Variants in MGAT4C observed in about 807,000 individuals in gnomAD.
MGAT4C encodes the protein alpha-1,3-mannosyl-glycoprotein 4-beta-N-acetylglucosaminyltransferase C.
In MGAT4C, 19 loss-of-function variants were observed where a neutral mutation model predicts 40.1. The observed-to-expected ratio is 0.47, with a 90% CI of 0.33 to 0.70. The LOEUF (loss-of-function observed/expected upper bound fraction) is 0.70, where lower values mean the gene tolerates loss of function less well. MGAT4C is among the 30% of genes least tolerant of loss of function. The pLI is 0.02. For synonymous variants in MGAT4C, 181 were observed against 187.1 expected (o/e 0.97, Z 0.27); for missense variants, 491 against 563.2 (o/e 0.87, Z 1.30).
chr12:86,351,883 T>G (rs1041107818), intron 3 of MGAT4C, among the ~76,000 whole-genome samples: 1 of 152,074 alleles, frequency 6.6e-6, no homozygotes, highest in Non-Finnish European at 1.5e-5. Flanking sequence ...ATATGGTTGA[T>G]AAGTGAAAGA....
At position 86,019,187 on chromosome 12, in the gene MGAT4C, CAAT is replaced by C. The variant is rs1206673851; in HGVS notation, c.-6-29638_-6-29636del. 2.6e-5 allele frequency among the ~76,000 whole-genome samples: 4 copies of C among 152,076 alleles called. No individual in the cohort carries two copies. The South Asian group carries it at 6.2e-4, about 24-fold the overall frequency. ...TTTGTCGTGGGGAAGAGAAGAGCGA[CAAT>C]GATGATGAAAATAACTTAAGTCTTT... On this transcript the variant is annotated intron_variant, in intron 2 of 4. Transcript: ENST00000611864.
At chr12:86,797,799 C>A (rs1331392290) in intron 1 of MGAT4C, among the ~76,000 whole-genome samples, 1 of 151,716 alleles carries the variant, frequency 6.6e-6, no homozygotes, top group African/African-American at 2.4e-5. Context: ...GATATTTGAA[C>A]CTCTCTTCTT....
At chr12:86,372,394 AG>A (rs1592756204) in intron 3 of MGAT4C, among the ~76,000 whole-genome samples, 1 of 151,938 alleles carries the variant, frequency 6.6e-6, no homozygotes, top group African/African-American at 2.4e-5. Context: ...AAAGGAAAAA[AG>A]CAATTAATCT....
At chr12:86,249,232 C>A (rs1480052985) in intron 1 of MGAT4C, among the ~76,000 whole-genome samples, 1 of 152,076 alleles carries the variant, frequency 6.6e-6, no homozygotes, top group African/African-American at 2.4e-5. Context: ...TGAATAAATA[C>A]TGACTTCAGA....
intron 2 of MGAT4C, among the ~76,000 whole-genome samples, chr12:86,642,347 A>G (rs1485539641): frequency 6.6e-6 from 1 of 151,828 alleles, no homozygotes; most frequent in Admixed American, 6.6e-5. Flanking sequence ...TCCATTGGCA[A>G]CACTTCATGG....
rs572220439 is a variant in MGAT4C, at chr12:86,538,714, T to C, written c.-228-103449A>G. Among the ~76,000 whole-genome samples, 4 of 151,790 alleles carry C rather than the reference T, an allele frequency of 2.6e-5. No homozygotes were observed. In the South Asian group the frequency reaches 8.4e-4, roughly 32 times the overall value. ...GCTCCACCTCCCAGGTTCATGCCAT[T>C]CTCCTGCCTCAGCCTCCGGAGTAGC... On this transcript the variant is annotated intron_variant, in intron 2 of 7. Transcript: ENST00000548651.
chr12:86,807,034 A>G (rs550193500), intron 1 of MGAT4C, among the ~76,000 whole-genome samples: 1 of 151,824 alleles, frequency 6.6e-6, no homozygotes, highest in South Asian at 2.1e-4. Flanking sequence ...TAAAAAATAA[A>G]TAAATAAATT....
chr12:86,780,387 C>T (rs1258967851), intron 1 of MGAT4C, among the ~76,000 whole-genome samples: 1 of 151,734 alleles, frequency 6.6e-6, no homozygotes, highest in Non-Finnish European at 1.5e-5. Context: ...TGCAAATCTC[C>T]TGTTGAATTG....
intron 4 of MGAT4C, among the ~76,000 whole-genome samples, chr12:86,325,656 T>A (rs1185240428): frequency 2.0e-5 from 3 of 152,120 alleles, no homozygotes; most frequent in Non-Finnish European, 4.4e-5. Context: ...GGCAGGTGGA[T>A]TGCTTGAGCC....
chr12:86,481,313 T>G (rs564325450), intron 2 of MGAT4C, among the ~76,000 whole-genome samples: 53 of 152,118 alleles, frequency 3.5e-4, no homozygotes, highest in South Asian at 2.7e-3. Flanking sequence ...CAAATGGAAT[T>G]GGCAAAGATT....
At chr12:86,740,551 T>C (rs1951053155) in intron 1 of MGAT4C, among the ~76,000 whole-genome samples, 1 of 151,288 alleles carries the variant, frequency 6.6e-6, no homozygotes, top group African/African-American at 2.4e-5. Context: ...TCTGATTTTG[T>C]AGTTTTTATG....
chr12:86,707,950 G>A (rs918580939), intron 2 of MGAT4C, among the ~76,000 whole-genome samples: 1 of 152,200 alleles, frequency 6.6e-6, no homozygotes, highest in Admixed American at 6.5e-5. Context: ...GCCTGACAAT[G>A]TGATAGAAAA....
At chr12:86,519,545 C>T (rs893699954) in intron 2 of MGAT4C, among the ~76,000 whole-genome samples, 1 of 152,120 alleles carries the variant, frequency 6.6e-6, no homozygotes, top group South Asian at 2.1e-4. Flanking sequence ...TCCCTTTTCT[C>T]TACATCCTTC....
intron 3 of MGAT4C, among the ~76,000 whole-genome samples, chr12:86,383,110 C>A (rs1955976463): frequency 6.6e-6 from 1 of 152,174 alleles, no homozygotes; most frequent in Non-Finnish European, 1.5e-5. Flanking sequence ...ACATTCAATG[C>A]CAGCTCATGA....
chr12:86,380,932 T>A, intron 3 of MGAT4C, among the ~76,000 whole-genome samples: 1 of 152,178 alleles, frequency 6.6e-6, no homozygotes, highest in East Asian at 1.9e-4. Flanking sequence ...AGGGAATTTC[T>A]TTGAGAAGTA....
At chr12:86,542,272 G>A (rs1482598841) in intron 2 of MGAT4C, among the ~76,000 whole-genome samples, 1 of 152,048 alleles carries the variant, frequency 6.6e-6, no homozygotes, top group Non-Finnish European at 1.5e-5. Context: ...TATTCATGAT[G>A]TGGACTATGC....
At chr12:86,654,737 C>G (rs1245460618) in intron 2 of MGAT4C, among the ~76,000 whole-genome samples, 1 of 141,578 alleles carries the variant, frequency 7.1e-6, no homozygotes, top group Admixed American at 7.0e-5. Context: ...TTTTTTTTCT[C>G]TTAAAGTTAT....
chr12:86,719,383 C>G (rs1013866061), intron 2 of MGAT4C, among the ~76,000 whole-genome samples: 3 of 152,100 alleles, frequency 2.0e-5, no homozygotes, highest in Non-Finnish European at 2.9e-5. Context: ...GATCTATGAT[C>G]TAAAGAGACA....
chr12:86,689,538 G>C (rs1044476560), intron 2 of MGAT4C, among the ~76,000 whole-genome samples: 2 of 152,208 alleles, frequency 1.3e-5, no homozygotes, highest in Non-Finnish European at 2.9e-5. Context: ...ATTGCTTTCT[G>C]TTTGTTAGTT....
Sources: gnomAD v4.1 joint callset for allele counts (sites outside exome capture counted in the v4.1 genomes callset) on GRCh38, gnomAD v4.1.1 for gene constraint, MANE v1.5 for transcripts, NCBI Gene and HGNC (gene_info 2026-07-23, HGNC 2026-07-21) for gene names.